Variants in ITGA10 observed in about 807,000 individuals in gnomAD.
ITGA10 encodes the protein integrin subunit alpha 10.
ITGA10 carries 105 observed loss-of-function variants against 145.2 expected under a neutral mutation model. The ratio of observed to expected loss-of-function variants is 0.72; its 90% confidence interval spans 0.62 to 0.85. The LOEUF is 0.85. ITGA10 is among the 40% of genes least tolerant of loss of function. The pLI, the probability that ITGA10 is intolerant of heterozygous loss-of-function variation, is 0.00. For missense variants in ITGA10, 1,317 were observed against 1,444.5 expected (o/e 0.91, Z 1.43); for synonymous variants, 506 against 557.8 (o/e 0.91, Z 1.31).
chr1:145,908,490 C>T (rs1360343318), intron 1 of ITGA10, among the ~76,000 whole-genome samples: 1 of 152,174 alleles, frequency 6.6e-6, no homozygotes, highest in East Asian at 1.9e-4. Flanking sequence ...ATGGTTTCCT[C>T]AGCCTTCAGC....
intron 4 of ITGA10, 44 bp from the exon 5 acceptor site, chr1:145,906,552 C>T (rs1553751138): frequency 3.3e-6 from 5 of 1,530,666 alleles, no homozygotes; most frequent in Non-Finnish European, 4.5e-6. Flanking sequence ...GGGAGGGCAC[C>T]CTCAGAACAT....
In ITGA10 at chr1:145,900,041, A is replaced by G. The variant is rs1553747380; in HGVS notation, c.1922+16T>C. On this transcript the variant is annotated intron_variant, in intron 15 of 29. Coordinates refer to ENST00000369304, the MANE Select transcript of ITGA10 (RefSeq NM_003637.5). ...ATGCTATGCTGTCCACCACCACCTG[A>G]GCTGGGACCCCTCACCTGAGCAGGA... The G allele has an allele frequency of 6.2e-7, 1 of 1,609,764 alleles. No individual in the cohort carries two copies. The highest frequency in any genetic ancestry group is 1.1e-5 in the South Asian group (1 of 90,472).
intron 28 of ITGA10, 62 bp downstream of exon 28, chr1:145,893,467 AGCCCACGGGTG>A: frequency 1.6e-6 from 2 of 1,236,436 alleles, no homozygotes; most frequent in Non-Finnish European, 2.3e-6. Context: ...GTTCTGAAAA[AGCCCACGGGTG>A]GCCCTACCAC....
Position 145,893,171 on chromosome 1 carries a change from C to T in ITGA10, c.3428G>A (p.Cys1143Tyr). The T allele has an allele frequency of 4.3e-6, 7 of 1,610,878 alleles. No homozygotes were observed. The highest frequency in any genetic ancestry group is 5.9e-6 in the Non-Finnish European group (7 of 1,177,080). The change falls in exon 29 of 30, where the codon TGC (cysteine) becomes TAC (tyrosine). Residue 1143 changes from cysteine to tyrosine, a missense_variant. Physicochemically the swap from Cys to Tyr is radical, Grantham distance 194. Coordinates refer to ENST00000369304, the MANE Select transcript of ITGA10 (RefSeq NM_003637.5). ...TAAAGCAGTGCTTACCTTCCACAGG[C>T]AGAAGACAAGGAGAGCAAGCAGGAG... ...GLLLLALLVF[C>Y]LWKLGFFAHK...
At chr1:145,907,226 G>T in intron 2 of ITGA10, 76 bp from the exon 3 acceptor site, 2 of 1,576,340 alleles carry the variant, frequency 1.3e-6, no homozygotes, top group Non-Finnish European at 1.7e-6. Context: ...AAAGAGCATG[G>T]AGGTGGTAAG....
At chr1:145,900,008 T>TAAC (rs782607025) in intron 15 of ITGA10, 49 bp downstream of exon 15, 2 of 1,541,742 alleles carry the variant, frequency 1.3e-6, no homozygotes, top group Non-Finnish European at 1.7e-6. Flanking sequence ...CCCTTGCCTT[T>TAAC]AACAGCTATG....
In ITGA10 at chr1:145,901,949, G is replaced by A. The variant is rs369985596; in HGVS notation, c.1222C>T (p.Arg408Cys). 3.5e-5 allele frequency: 57 copies of A among 1,613,996 alleles called. 2 individuals are homozygous for A. In the South Asian group the frequency reaches 3.8e-4, roughly 11 times the overall value. The change falls in exon 11 of 30, where the codon CGC becomes TGC. Residue 408 changes from arginine (R) to cysteine (C), a missense_variant. Coordinates refer to ENST00000369304, the MANE Select transcript of ITGA10 (RefSeq NM_003637.5). This position sits in a 1 kb window ranked among gnomAD's most constrained non-coding sequence, Gnocchi z 4.3. ...GSVLWLEGGH[R>C]LFPPRMALED... ...AGTGCCATTCGTGGGGGGAAAAGGC[G>A]GTGGCCTCCTTCAAGCCATAGCACA... is the stretch of plus-strand genomic sequence containing the variant.
chr1:145,904,133 T>G lies in ITGA10; in HGVS notation c.677A>C (p.Glu226Ala). ...EWSLGDFRTKEEVVRAAKNLS... is the reference protein window; with the variant it reads ...EWSLGDFRTKAEVVRAAKNLS... ...GTTCTTTGCTGCTCTCACCACTTCTTCCTTCGTTCGGAAATCTCCCAGGGA... is the reference window on the plus strand; with the variant it reads ...GTTCTTTGCTGCTCTCACCACTTCTGCCTTCGTTCGGAAATCTCCCAGGGA... Residue 226 changes from glutamate to alanine, a missense_variant, in exon 7 of 30, where the codon GAA becomes GCA. By Grantham distance (107) the Glu-to-Ala change is moderately radical (BLOSUM62 -1). Coordinates refer to ENST00000369304, the MANE Select transcript of ITGA10 (RefSeq NM_003637.5). 1.2e-6 allele frequency: 2 copies of G among 1,614,144 alleles called. No individual in the cohort carries two copies. Among genetic ancestry groups the G allele is most frequent in the Non-Finnish European group, 8.5e-7 (1 of 1,180,012 alleles).
intron 26 of ITGA10, 72 bp from the exon 27 acceptor site, chr1:145,895,465 C>A: frequency 1.4e-6 from 2 of 1,413,626 alleles, no homozygotes; most frequent in South Asian, 1.2e-5. Flanking sequence ...ACCTCTAGTT[C>A]ACACAGTCTT....
Position 145,892,456 on chromosome 1 carries a change from A to C in ITGA10, c.*342T>G. The C allele has an allele frequency of 4.5e-6, 1 of 220,578 alleles. No individual in the cohort carries two copies. Among genetic ancestry groups the C allele is most frequent in the Non-Finnish European group, 8.9e-6 (1 of 112,162 alleles). 13.7% of individuals were successfully genotyped at this position (220,578 alleles called of 1,614,324 possible). A position where few individuals can be genotyped will look rare whatever the true frequency, so the allele number is the denominator to read the frequency against. ...AACTGTGAGGGAAGATAAAGAGGGA[A>C]TCTGAAAGGAGTCAGGCACCTAGGC... On this transcript the variant is annotated 3_prime_UTR_variant, in exon 30 of 30. Coordinates refer to ENST00000369304, the MANE Select transcript of ITGA10 (RefSeq NM_003637.5).
intron 19 of ITGA10, 26 bp downstream of exon 19, chr1:145,897,789 G>T (rs782717630): frequency 1.2e-6 from 2 of 1,611,836 alleles, no homozygotes; most frequent in African/African-American, 2.7e-5. Context: ...GGTCACCCTG[G>T]TTTGCCTAGT....
At position 145,907,357 on chromosome 1, in the gene ITGA10, C is replaced by T. The variant is rs782566093; in HGVS notation, c.161G>A (p.Arg54Gln). ...SVLQHVGGGQ[R>Q]WMLVGAPWDG... ...GGCACTCCGGTTTCTTCCTCACCATCGCTGTCCACCCCCAACATGTTGTAA... is the reference window on the plus strand; with the variant it reads ...GGCACTCCGGTTTCTTCCTCACCATTGCTGTCCACCCCCAACATGTTGTAA... The change falls in exon 2 of 30, where the codon CGA becomes CAA. Residue 54 changes from arginine to glutamine, a missense_variant. By Grantham distance (43) the Arg-to-Gln change is conservative (BLOSUM62 1). Transcript: ENST00000369304. The T allele has an allele frequency of 3.1e-5, 50 of 1,614,176 alleles. No individual in the cohort carries two copies. In the South Asian group the frequency reaches 5.3e-4, roughly 17 times the overall value.
chr1:145,901,308 G>A lies in ITGA10; in HGVS notation c.1444-30C>T, dbSNP rs782599329. 3.7e-6 allele frequency: 6 copies of A among 1,612,322 alleles called. No individual in the cohort carries two copies. Among genetic ancestry groups the A allele is most frequent in the Non-Finnish European group, 5.1e-6 (6 of 1,178,860 alleles). On this transcript the variant is annotated intron_variant, in intron 12 of 29. Transcript: ENST00000369304. The surrounding 1 kb of genome is among the most constrained non-coding windows in gnomAD (Gnocchi z 4.3). ...GGAATGGTGGGTGATGATGACCCCAGAGAAAAGGGAAGGTAACTGTAGACA... is the reference window on the plus strand; with the variant it reads ...GGAATGGTGGGTGATGATGACCCCAAAGAAAAGGGAAGGTAACTGTAGACA...
At position 145,902,501 on chromosome 1, in the gene ITGA10, A is replaced by T; in HGVS notation, c.1028T>A (p.Leu343Gln). Residue 343 changes from leucine to glutamine, a missense_variant, in exon 9 of 30, where the codon CTG becomes CAG. Coordinates refer to ENST00000369304, the MANE Select transcript of ITGA10 (RefSeq NM_003637.5). Reference protein sequence around the residue: ...FFFNVTDEAALTDIVDALGDR... With the variant: ...FFFNVTDEAAQTDIVDALGDR... ...TCCTAGTGCATCCACAATGTCAGTC[A>T]GAGCAGCCTCATCTGTGACATTGAA... 6.2e-7 allele frequency: 1 copy of T among 1,613,574 alleles called. No individual in the cohort carries two copies. Among genetic ancestry groups the T allele is most frequent in the Non-Finnish European group, 8.5e-7 (1 of 1,179,762 alleles).
intron 1 of ITGA10, among the ~76,000 whole-genome samples, chr1:145,907,796 G>C (rs1657369851): frequency 7.9e-6 from 1 of 125,834 alleles, no homozygotes; most frequent in Admixed American, 8.5e-5. Context: ...TTTTGAGACG[G>C]AGTCTCTCTG....
At chr1:145,899,947 G>T in intron 15 of ITGA10, 110 bp downstream of exon 15, 2 of 1,075,220 alleles carry the variant, frequency 1.9e-6, no homozygotes, top group Non-Finnish European at 2.7e-6. Context: ...AAGAATGGAG[G>T]CACAGAGTAA....
chr1:145,906,204 C>T (rs587746091), intron 5 of ITGA10, 190 bp downstream of exon 5: 63 of 526,534 alleles, frequency 1.2e-4, no homozygotes, highest in African/African-American at 1.1e-3. Flanking sequence ...GCTAGAATTA[C>T]AGGTGTGGGC....
intron 15 of ITGA10, 79 bp from the exon 16 acceptor site, chr1:145,899,420 C>A: frequency 6.6e-7 from 1 of 1,508,068 alleles, no homozygotes; most frequent in Non-Finnish European, 9.0e-7. Flanking sequence ...TTTGCTTCCC[C>A]ATGGTCAAAA....
At chr1:145,902,347 T>C in intron 9 of ITGA10, 28 bp from the exon 10 acceptor site, 10 of 1,612,748 alleles carry the variant, frequency 6.2e-6, no homozygotes, top group Non-Finnish European at 8.5e-6. Flanking sequence ...ATTGAGACAA[T>C]ATCAGGGGAA....
Sources: allele counts gnomAD v4.1 joint callset (sites outside exome capture counted in the v4.1 genomes callset), GRCh38; gene constraint gnomAD v4.1.1; non-coding constraint Gnocchi (gnomAD v3.1); transcripts MANE v1.5; gene names NCBI Gene and HGNC (gene_info 2026-07-23, HGNC 2026-07-21).